HCN1: variants seen among roughly 807,000 people sequenced by gnomAD.
The protein encoded by HCN1 is potassium/sodium hyperpolarization-activated cyclic nucleotide-gated channel 1.
In HCN1, 13 loss-of-function variants were observed where a neutral mutation model predicts 78.9. That is an observed-to-expected ratio of 0.16 (90% CI 0.11 to 0.26). The LOEUF (loss-of-function observed/expected upper bound fraction) is 0.26. Ranked by LOEUF, HCN1 falls within the 10% of genes least tolerant of loss-of-function variation. The probability of loss-of-function intolerance (pLI) is 1.00; values close to 1 mark genes in which losing one functional copy is unlikely to be tolerated. For missense variants in HCN1, 810 were observed against 1,154.3 expected (o/e 0.70, Z 4.32); for synonymous variants, 552 against 455.5 (o/e 1.21, Z -2.70).
intron 4 of HCN1, among the ~76,000 whole-genome samples, chr5:45,375,087 TATATA>T (rs1351796182): frequency 2.5e-5 from 3 of 122,080 alleles, no homozygotes; most frequent in Admixed American, 1.1e-4. Flanking sequence ...TATATAATTA[TATATA>T]ATATAATATT....
At chr5:45,531,913 A>G (rs886360244) in intron 2 of HCN1, among the ~76,000 whole-genome samples, 5 of 152,058 alleles carry the variant, frequency 3.3e-5, no homozygotes, top group African/African-American at 1.2e-4. Flanking sequence ...GGCAGTGTGC[A>G]CTTGTGGTCC....
chr5:45,426,182 A>G (rs1051893738), intron 3 of HCN1, among the ~76,000 whole-genome samples: 2 of 152,192 alleles, frequency 1.3e-5, no homozygotes, highest in Non-Finnish European at 2.9e-5. Context: ...TGTGATTCTT[A>G]CGTTGCAATA....
At chr5:45,664,260 A>T (rs2112064590) in intron 1 of HCN1, among the ~76,000 whole-genome samples, 1 of 117,812 alleles carries the variant, frequency 8.5e-6, no homozygotes, top group African/African-American at 3.3e-5. Flanking sequence ...TTGAACAATG[A>T]GATCACATGG....
intron 3 of HCN1, among the ~76,000 whole-genome samples, chr5:45,436,082 A>C (rs1203265096): frequency 2.0e-5 from 3 of 152,230 alleles, no homozygotes; most frequent in African/African-American, 7.2e-5. Context: ...TTTAACTGAC[A>C]TACATATAAA....
At chr5:45,590,630 G>A (rs1294167443) in intron 2 of HCN1, among the ~76,000 whole-genome samples, 1 of 151,980 alleles carries the variant, frequency 6.6e-6, no homozygotes, top group Non-Finnish European at 1.5e-5. Context: ...TCTAGGCTCT[G>A]CCTATTCATC....
At chr5:45,288,969 C>T (rs1191501573) in intron 6 of HCN1, among the ~76,000 whole-genome samples, 1 of 152,040 alleles carries the variant, frequency 6.6e-6, no homozygotes, top group Non-Finnish European at 1.5e-5. Context: ...CAATGAAGCA[C>T]ACAAAGTAAC....
In HCN1 at chr5:45,523,174, C is replaced by T. The variant is rs184337834; in HGVS notation, c.850-61167G>A. On this transcript the variant is annotated intron_variant, in intron 2 of 7. Transcript: ENST00000303230. ...ATTTCCAATTTCATCCATGTTCCTA[C>T]AAAGGACATGAACTCATCATTTCTT... Among the ~76,000 whole-genome samples the T allele has an allele frequency of 9.5e-3, 1,443 of 152,238 alleles. 12 individuals carry two copies. The highest frequency in any genetic ancestry group is 0.014 in the Middle Eastern group (4 of 294).
In HCN1 at chr5:45,436,518, T is replaced by A. The variant is rs184454914; in HGVS notation, c.1011+25328A>T. Among the ~76,000 whole-genome samples the A allele has an allele frequency of 3.9e-5, 6 of 152,282 alleles. No individual in the cohort carries two copies. The East Asian group carries it at 1.2e-3, about 29-fold the overall frequency. On this transcript the variant is annotated intron_variant, in intron 3 of 7. Transcript: ENST00000303230. ...GAATAATAAAATAGTGATAATTTAA[T>A]GATAAACCAGTAAAATGAAGTAATT...
intron 5 of HCN1, among the ~76,000 whole-genome samples, chr5:45,316,063 T>C (rs2111926355): frequency 6.6e-6 from 1 of 152,324 alleles, no homozygotes; most frequent in East Asian, 1.9e-4. Context: ...TAACTCATTT[T>C]ATGAGGCCAG....
At chr5:45,661,171 C>T (rs1447645495) in intron 1 of HCN1, among the ~76,000 whole-genome samples, 1 of 143,684 alleles carries the variant, frequency 7.0e-6, no homozygotes, top group Non-Finnish European at 1.5e-5. Flanking sequence ...CGCTCAACTA[C>T]ATGGAAACTG....
intron 3 of HCN1, among the ~76,000 whole-genome samples, chr5:45,449,096 AC>A (rs1476804821): frequency 6.6e-6 from 1 of 152,108 alleles, no homozygotes. Flanking sequence ...CGATGGAGTG[AC>A]CTGTCTGAAA....
intron 1 of HCN1, among the ~76,000 whole-genome samples, chr5:45,671,228 CA>C (rs1231090616): frequency 6.6e-6 from 1 of 151,392 alleles, no homozygotes; most frequent in Non-Finnish European, 1.5e-5. Flanking sequence ...CTCCATTACC[CA>C]AATCCCACCT....
At chr5:45,613,040 C>T (rs1256241355) in intron 2 of HCN1, among the ~76,000 whole-genome samples, 1 of 151,952 alleles carries the variant, frequency 6.6e-6, no homozygotes, top group Admixed American at 6.6e-5. Context: ...TTTTAGGGTA[C>T]ATGTGCACAT....
At chr5:45,624,883 G>T (rs1745132542) in intron 2 of HCN1, among the ~76,000 whole-genome samples, 1 of 152,102 alleles carries the variant, frequency 6.6e-6, no homozygotes, top group Non-Finnish European at 1.5e-5. Flanking sequence ...AACTCTAGGG[G>T]AAGGCAAGGC....
At chr5:45,307,053 C>T (rs572920562) in intron 5 of HCN1, among the ~76,000 whole-genome samples, 14 of 151,892 alleles carry the variant, frequency 9.2e-5, no homozygotes, top group Non-Finnish European at 1.5e-4. Context: ...AACAAGAACC[C>T]CACAGTAATG....
intron 5 of HCN1, among the ~76,000 whole-genome samples, chr5:45,322,363 C>T (rs907155591): frequency 1.3e-5 from 2 of 151,746 alleles, no homozygotes; most frequent in Non-Finnish European, 1.5e-5. Context: ...AGTATAATGA[C>T]CACAATGATG....
intron 4 of HCN1, among the ~76,000 whole-genome samples, chr5:45,365,925 T>C (rs911151859): frequency 6.6e-6 from 1 of 151,866 alleles, no homozygotes; most frequent in African/African-American, 2.4e-5. Flanking sequence ...TTTATTAAAT[T>C]TTAACTTAAA....
At chr5:45,617,973 C>G (rs1291471589) in intron 2 of HCN1, among the ~76,000 whole-genome samples, 1 of 152,126 alleles carries the variant, frequency 6.6e-6, no homozygotes, top group African/African-American at 2.4e-5. Context: ...AGAAACTGTT[C>G]TCTCTGGTGA....
chr5:45,516,676 G>A (rs999478213), intron 2 of HCN1, among the ~76,000 whole-genome samples: 2 of 151,874 alleles, frequency 1.3e-5, no homozygotes, highest in African/African-American at 4.8e-5. Flanking sequence ...CCTTAGAATA[G>A]TCCACCATAG....
Sources: gnomAD v4.1 joint callset for allele counts (sites outside exome capture counted in the v4.1 genomes callset) on GRCh38, gnomAD v4.1.1 for gene constraint, MANE v1.5 for transcripts, NCBI Gene and HGNC (gene_info 2026-07-23, HGNC 2026-07-21) for gene names.